Variants in SWT1 observed in about 807,000 individuals in gnomAD.
SWT1 encodes the protein transcriptional protein SWT1.
SWT1 carries 33 observed loss-of-function variants against 107.3 expected under a neutral mutation model. That is an observed-to-expected ratio of 0.31 (90% CI 0.23 to 0.41). The LOEUF (loss-of-function observed/expected upper bound fraction) is 0.41, where lower values mean the gene tolerates loss of function less well. Among genes scored for constraint, SWT1 ranks in the 10% least tolerant of loss-of-function variants. SWT1 has a pLI of 1.00. For synonymous variants in SWT1, 345 were observed against 348.3 expected (o/e 0.99, Z 0.11); for missense variants, 898 against 1,028.9 (o/e 0.87, Z 1.74).
chr1:185,177,519 A>G (rs1206718562), intron 5 of SWT1, among the ~76,000 whole-genome samples: 1 of 152,238 alleles, frequency 6.6e-6, no homozygotes, highest in African/African-American at 2.4e-5. Context: ...TCATTTAGAC[A>G]CAGAAACAGC....
intron 15 of SWT1, among the ~76,000 whole-genome samples, chr1:185,230,104 C>G (rs937488077): frequency 1.3e-5 from 2 of 152,118 alleles, no homozygotes; most frequent in Non-Finnish European, 2.9e-5. Context: ...GTGAGTTTTA[C>G]GACAGTTATA....
chr1:185,210,011 C>T (rs942290298), intron 13 of SWT1, among the ~76,000 whole-genome samples: 79 of 152,172 alleles, frequency 5.2e-4, no homozygotes, highest in Non-Finnish European at 1.9e-4. Flanking sequence ...TTGTTGGCTG[C>T]ATAAATGTCT....
intron 1 of SWT1, among the ~76,000 whole-genome samples, chr1:185,159,792 C>T (rs1235469967): frequency 1.3e-5 from 2 of 152,076 alleles, no homozygotes; most frequent in Non-Finnish European, 2.9e-5. Flanking sequence ...GTGGCACAAT[C>T]TTACTCACTA....
intron 4 of SWT1, chr1:185,171,676 C>A: frequency 2.0e-6 from 1 of 510,902 alleles, no homozygotes; most frequent in Non-Finnish European, 3.8e-6. Context: ...TTTTTTTTTG[C>A]CCCCCTTTAC....
chr1:185,181,351 C>A (rs1571433100), intron 6 of SWT1, among the ~76,000 whole-genome samples: 1 of 152,208 alleles, frequency 6.6e-6, no homozygotes, highest in South Asian at 2.1e-4. Flanking sequence ...TGAGGTGCTC[C>A]TTGATAGAAG....
At chr1:185,256,766 G>C (rs11801325) in intron 16 of SWT1, among the ~76,000 whole-genome samples, 67,187 of 151,496 alleles carry the variant, frequency 0.44, 16,543 homozygotes, top group African/African-American at 0.67. Context: ...CGTCTGAAGC[G>C]TTCTTTTCTC....
chr1:185,185,218 C>T (rs562386566), intron 9 of SWT1, among the ~76,000 whole-genome samples: 27 of 152,048 alleles, frequency 1.8e-4, no homozygotes, highest in Admixed American at 7.2e-4. Context: ...TTTAAAAATA[C>T]CATTGCTGAG....
intron 16 of SWT1, among the ~76,000 whole-genome samples, chr1:185,233,104 G>T (rs1167655996): frequency 6.6e-6 from 1 of 152,118 alleles, no homozygotes; most frequent in African/African-American, 2.4e-5. Flanking sequence ...GAAACTGTGG[G>T]TATGAGGCCT....
At chr1:185,161,046 GAA>G (rs1654103177) in intron 2 of SWT1, 121 bp downstream of exon 2, 2 of 741,660 alleles carry the variant, frequency 2.7e-6, no homozygotes, top group South Asian at 1.9e-5. Context: ...GCCGATCCAG[GAA>G]AAGTCATTTG....
chr1:185,284,682 A>G (rs1048775828), intron 18 of SWT1, among the ~76,000 whole-genome samples: 1 of 152,178 alleles, frequency 6.6e-6, no homozygotes, highest in Non-Finnish European at 1.5e-5. Flanking sequence ...GTGATTGGCT[A>G]TACATTTTTG....
At chr1:185,259,762 C>T (rs1558084456) in intron 16 of SWT1, among the ~76,000 whole-genome samples, 1 of 152,036 alleles carries the variant, frequency 6.6e-6, no homozygotes, top group East Asian at 1.9e-4. Context: ...TTCTTGAATC[C>T]CTTTATCTGT....
intron 2 of SWT1, among the ~76,000 whole-genome samples, chr1:185,163,996 A>G (rs1253102111): frequency 6.6e-6 from 1 of 152,144 alleles, no homozygotes; most frequent in African/African-American, 2.4e-5. Context: ...GCCTTACAAT[A>G]TGTATTTTTT....
At chr1:185,202,200 A>G (rs1345808589) in intron 10 of SWT1, among the ~76,000 whole-genome samples, 1 of 152,146 alleles carries the variant, frequency 6.6e-6, no homozygotes, top group African/African-American at 2.4e-5. Flanking sequence ...GCAAACAGCA[A>G]GTTTGTGCTA....
intron 16 of SWT1, among the ~76,000 whole-genome samples, chr1:185,259,134 G>GT (rs1214207757): frequency 1.3e-5 from 2 of 152,140 alleles, no homozygotes; most frequent in Admixed American, 6.5e-5. Flanking sequence ...AAAGGTGAAA[G>GT]TTTTTCTTTT....
intron 16 of SWT1, among the ~76,000 whole-genome samples, chr1:185,259,370 A>G (rs1350472401): frequency 6.6e-6 from 1 of 152,156 alleles, no homozygotes; most frequent in Non-Finnish European, 1.5e-5. Flanking sequence ...AGAGGAAGAA[A>G]CTACGTGGTC....
At chr1:185,165,660 C>T (rs1654508234) in intron 2 of SWT1, among the ~76,000 whole-genome samples, 1 of 152,190 alleles carries the variant, frequency 6.6e-6, no homozygotes, top group Admixed American at 6.5e-5. Context: ...TTTTCCACTT[C>T]ATCCAGAATA....
intron 16 of SWT1, among the ~76,000 whole-genome samples, chr1:185,259,280 C>T (rs1444745398): frequency 1.3e-5 from 2 of 152,100 alleles, no homozygotes; most frequent in Non-Finnish European, 2.9e-5. Context: ...ATGGAAAGAA[C>T]TATTTTGCTT....
chr1:185,233,097 A>G (rs1030060672), intron 16 of SWT1, among the ~76,000 whole-genome samples: 4 of 152,128 alleles, frequency 2.6e-5, no homozygotes, highest in Admixed American at 2.6e-4. Context: ...TCAATCAGAA[A>G]CTGTGGGTAT....
At position 185,174,619 on chromosome 1, in the gene SWT1, A is replaced by G. The variant is rs750279284; in HGVS notation, c.472A>G (p.Ser158Gly). 1 of 1,611,868 alleles carries G rather than the reference A, an allele frequency of 6.2e-7. No individual in the cohort carries two copies. Among genetic ancestry groups the G allele is most frequent in the Admixed American group, 1.7e-5 (1 of 59,462 alleles). Residue 158 changes from serine to glycine, a missense_variant, in exon 5 of 19, where the codon AGT becomes GGT. Ser to Gly is a moderately conservative substitution (Grantham distance 56). Around this residue, in one of 6 missense-constraint regions of SWT1, gnomAD observed 382 missense variants for 362.4 expected, o/e 1.05. Transcript: ENST00000367500. ...AAGCCTTAGTAGTCCTAAGATTGCC[A>G]GTGATGTGAAACCTAAAGCCGAAGG... is the stretch of plus-strand genomic sequence containing the variant. ...IKSLSSPKIA[S>G]DVKPKAEGQA...
Sources: allele counts gnomAD v4.1 joint callset (sites outside exome capture counted in the v4.1 genomes callset), GRCh38; gene constraint gnomAD v4.1.1; regional missense constraint gnomAD v4.1.1; transcripts MANE v1.5; gene names NCBI Gene and HGNC (gene_info 2026-07-23, HGNC 2026-07-21).